The following SNTG1 variants were observed in gnomAD, a reference collection of about 807,000 sequenced individuals.
SNTG1 encodes syntrophin gamma 1.
In SNTG1, 39 loss-of-function variants were observed where a neutral mutation model predicts 74.7. That is an observed-to-expected ratio of 0.52 (90% CI 0.40 to 0.68). The LOEUF (loss-of-function observed/expected upper bound fraction) is 0.68. Ranked by LOEUF, SNTG1 falls within the 30% of genes least tolerant of loss-of-function variation. The probability of loss-of-function intolerance (pLI) is 0.00; values close to 1 mark genes in which losing one functional copy is unlikely to be tolerated. For missense variants in SNTG1, 685 were observed against 609.5 expected (o/e 1.12, Z -1.30); for synonymous variants, 254 against 217.1 (o/e 1.17, Z -1.49).
chr8:50,396,087 T>G (rs2092725283), intron 3 of SNTG1, among the ~76,000 whole-genome samples: 1 of 152,214 alleles, frequency 6.6e-6, no homozygotes, highest in South Asian at 2.1e-4. Flanking sequence ...ATTTGGGATA[T>G]TTCTCAAATT....
intron 2 of SNTG1, among the ~76,000 whole-genome samples, chr8:50,205,184 C>T (rs1017767874): frequency 2.0e-5 from 3 of 152,328 alleles, no homozygotes; most frequent in East Asian, 3.9e-4. Context: ...ACAGTCCCAA[C>T]AGCAGTGTAA....
intron 13 of SNTG1, among the ~76,000 whole-genome samples, chr8:50,607,962 C>G (rs1471858116): frequency 1.3e-5 from 2 of 151,664 alleles, no homozygotes; most frequent in Non-Finnish European, 3.0e-5. Context: ...TTCTTCTACA[C>G]TTGTCTATTT....
intron 12 of SNTG1, among the ~76,000 whole-genome samples, chr8:50,577,125 T>G (rs1427274451): frequency 1.3e-5 from 2 of 152,286 alleles, no homozygotes; most frequent in Non-Finnish European, 1.5e-5. Context: ...ATGTATGGCT[T>G]ATGTTCCGTT....
intron 1 of SNTG1, among the ~76,000 whole-genome samples, chr8:49,960,689 C>G (rs557528116): frequency 6.6e-6 from 1 of 152,126 alleles, no homozygotes; most frequent in Admixed American, 6.5e-5. Context: ...GTAAGTGAGT[C>G]AGAAAACAAG....
intron 1 of SNTG1, among the ~76,000 whole-genome samples, chr8:49,977,590 GAGGCT>G (rs1812308390): frequency 6.6e-6 from 1 of 152,238 alleles, no homozygotes; most frequent in African/African-American, 2.4e-5. Context: ...CCGAGGGTAA[GAGGCT>G]AGGCATGTGG....
chr8:50,286,556 T>A (rs1279088052), intron 2 of SNTG1: 14 of 152,222 alleles, frequency 9.2e-5, no homozygotes. Context: ...CCACAAATTG[T>A]TACCACATAC....
At chr8:50,392,227 C>G (rs1178750425) in intron 2 of SNTG1, among the ~76,000 whole-genome samples, 1 of 152,154 alleles carries the variant, frequency 6.6e-6, no homozygotes, top group East Asian at 1.9e-4. Flanking sequence ...GAAAAAATTA[C>G]AACAATTGTA....
At chr8:50,046,689 TC>T (rs1356356114) in intron 1 of SNTG1, among the ~76,000 whole-genome samples, 2 of 152,182 alleles carry the variant, frequency 1.3e-5, no homozygotes, top group South Asian at 4.1e-4. Context: ...CCAGCATTTC[TC>T]TGTTATTTGT....
chr8:50,126,935 A>G, intron 1 of SNTG1, among the ~76,000 whole-genome samples: 1 of 152,146 alleles, frequency 6.6e-6, no homozygotes, highest in South Asian at 2.1e-4. Context: ...AGGAGCATAC[A>G]ATCTTGGAGG....
intron 18 of SNTG1, among the ~76,000 whole-genome samples, chr8:50,763,882 CACACACACACACACACACACACACAA>C (rs909356310): frequency 3.5e-5 from 5 of 142,322 alleles, no homozygotes; most frequent in African/African-American, 1.4e-4. Flanking sequence ...CACACACACA[CACACACACACACACACACACACACAA>C]AAATAACCAA....
At chr8:50,515,406 TTTTTTTTTTG>T in intron 9 of SNTG1, among the ~76,000 whole-genome samples, 1 of 108,040 alleles carries the variant, frequency 9.3e-6, no homozygotes, top group Non-Finnish European at 1.7e-5. Flanking sequence ...TTTTTTTTTT[TTTTTTTTTTG>T]TTACTCCAGT....
intron 8 of SNTG1, among the ~76,000 whole-genome samples, chr8:50,464,931 C>A: frequency 7.1e-6 from 1 of 141,308 alleles, no homozygotes; most frequent in Non-Finnish European, 1.5e-5. Flanking sequence ...CCCAAAGACA[C>A]AAAATGAGTA....
intron 1 of SNTG1, among the ~76,000 whole-genome samples, chr8:50,070,731 G>C (rs1423732318): frequency 6.6e-6 from 1 of 152,184 alleles, no homozygotes; most frequent in African/African-American, 2.4e-5. Context: ...CCACGAAAGT[G>C]AGTGGTTTAA....
At chr8:50,347,488 T>C (rs1432436932) in intron 2 of SNTG1, among the ~76,000 whole-genome samples, 2 of 152,236 alleles carry the variant, frequency 1.3e-5, no homozygotes, top group East Asian at 1.9e-4. Flanking sequence ...AGCATTGTTT[T>C]CATGCCTGCT....
At chr8:50,381,836 T>TTATATA (rs530776565) in intron 2 of SNTG1, 7 of 98,938 alleles carry the variant, frequency 7.1e-5, no homozygotes, top group African/African-American at 2.4e-4. Context: ...TATATATATA[T>TTATATA]TATATATATA....
chr8:50,091,066 G>C (rs987647721), intron 1 of SNTG1, among the ~76,000 whole-genome samples: 1 of 151,938 alleles, frequency 6.6e-6, no homozygotes, highest in African/African-American at 2.4e-5. Flanking sequence ...CCCATGAATA[G>C]GAATAAACAT....
At chr8:50,533,300 C>A (rs1163324859) in intron 10 of SNTG1, among the ~76,000 whole-genome samples, 3 of 152,170 alleles carry the variant, frequency 2.0e-5, no homozygotes, top group Non-Finnish European at 4.4e-5. Flanking sequence ...GCCACCAAAT[C>A]CTTAATAAAA....
intron 15 of SNTG1, among the ~76,000 whole-genome samples, chr8:50,672,700 A>G (rs1337424478): frequency 6.6e-6 from 1 of 152,136 alleles, no homozygotes; most frequent in Non-Finnish European, 1.5e-5. Context: ...ATTAGATCTC[A>G]TTTATCAATC....
At chr8:50,260,080 T>C (rs2087105956) in intron 2 of SNTG1, among the ~76,000 whole-genome samples, 1 of 152,132 alleles carries the variant, frequency 6.6e-6, no homozygotes, top group Non-Finnish European at 1.5e-5. Flanking sequence ...AAAAAGCAAC[T>C]GTTTTGAAAT....
Sources: allele counts gnomAD v4.1 joint callset (sites outside exome capture counted in the v4.1 genomes callset), GRCh38; gene constraint gnomAD v4.1.1; transcripts MANE v1.5; gene names NCBI Gene and HGNC (gene_info 2026-07-23, HGNC 2026-07-21).